Variants in ZNF148 observed in about 807,000 individuals in gnomAD.
ZNF148 encodes the protein zinc finger protein 148.
In ZNF148, 7 loss-of-function variants were observed where a neutral mutation model predicts 67.7. That is an observed-to-expected ratio of 0.10 (90% CI 0.06 to 0.19). The LOEUF is 0.19. ZNF148 is among the 10% of genes least tolerant of loss of function. The pLI, the probability that ZNF148 is intolerant of heterozygous loss-of-function variation, is 1.00. For missense variants in ZNF148, 583 were observed against 947.1 expected (o/e 0.62, Z 5.05); for synonymous variants, 333 against 330.7 (o/e 1.01, Z -0.08).
At position 125,226,730 on chromosome 3, in the gene ZNF148, GA is replaced by G. The variant is rs3215262; in HGVS notation, c.*5610del. 117,522 of 152,490 alleles carry G rather than the reference GA, an allele frequency of 0.77. 45,830 individuals carry two copies. Among genetic ancestry groups the G allele is most frequent in the African/African-American group, 0.85 (35,345 of 41,500 alleles). The allele number at this position is 152,490 out of a possible 1,614,324, so 9.4% of individuals were successfully genotyped here. On this transcript the variant is annotated 3_prime_UTR_variant, in exon 9 of 9. Coordinates refer to ENST00000360647, the MANE Select transcript of ZNF148 (RefSeq NM_021964.3). ...CAATGACAATTAAAACATATTTAAA[GA>G]AACAAAAAACCTCCCAATTGTTTAA...
intron 1 of ZNF148, among the ~76,000 whole-genome samples, chr3:125,342,337 TAAAGACAAAAAAA>T (rs145947226): frequency 0.68 from 98,470 of 145,592 alleles, 33,694 homozygotes; most frequent in Middle Eastern, 0.77. Flanking sequence ...ATTCAAAAAC[TAAAGACAAAAAAA>T]AAAGACAAAA....
chr3:125,233,266 T>C lies in ZNF148; in HGVS notation c.1460A>G (p.Tyr487Cys). Residue 487 changes from tyrosine to cysteine, a missense_variant, in exon 9 of 9, where the codon TAT (tyrosine) becomes TGT (cysteine). Coordinates refer to ENST00000360647, the MANE Select transcript of ZNF148 (RefSeq NM_021964.3). The surrounding 1 kb of genome is among the most constrained non-coding windows in gnomAD (Gnocchi z 5.1). ...AGCTATGGTACCCACATTCAGCGCA[T>C]ATTCCCTGCTGTTGTTACTTGCTGC... ...LQAASNNSRE[Y>C]ALNVGTIASQ... 1.2e-6 allele frequency: 2 copies of C among 1,613,932 alleles called. No homozygotes were observed.
At position 125,313,532 on chromosome 3, in the gene ZNF148, T is replaced by C. The variant is rs933372742; in HGVS notation, c.109A>G (p.Thr37Ala). 2 of 1,614,128 alleles carry C rather than the reference T, an allele frequency of 1.2e-6. No individual in the cohort carries two copies. The highest frequency in any genetic ancestry group is 1.7e-6 in the Non-Finnish European group (2 of 1,179,994). ...GAATCCTGTAGCTCTCCAGACACAG[T>C]AGACTGGCCAGACACTCCACCCATT... ...VVMGGVSGQS[T>A]VSGELQDSVL... Residue 37 changes from threonine (T) to alanine (A), a missense_variant, in exon 4 of 9, where the codon ACT (threonine) becomes GCT (alanine). Transcript: ENST00000360647.
intron 1 of ZNF148, among the ~76,000 whole-genome samples, chr3:125,354,384 T>C (rs913629238): frequency 6.6e-6 from 1 of 152,180 alleles, no homozygotes; most frequent in Non-Finnish European, 1.5e-5. Context: ...GGAACACTTA[T>C]TCTATTTTAT....
intron 7 of ZNF148, among the ~76,000 whole-genome samples, chr3:125,275,111 A>G (rs1160909257): frequency 2.6e-5 from 4 of 152,224 alleles, no homozygotes; most frequent in Admixed American, 1.3e-4. Context: ...AAAAGAATCT[A>G]TAAAAAGAAT....
intron 1 of ZNF148, among the ~76,000 whole-genome samples, chr3:125,360,516 G>A (rs1942504053): frequency 6.6e-6 from 1 of 151,892 alleles, no homozygotes; most frequent in South Asian, 2.1e-4. Flanking sequence ...GAACTCCTGA[G>A]CTCAAGTGAT....
intron 7 of ZNF148, among the ~76,000 whole-genome samples, chr3:125,236,444 T>C (rs1339499672): frequency 6.6e-6 from 1 of 152,064 alleles, no homozygotes; most frequent in African/African-American, 2.4e-5. Flanking sequence ...AATGTTACTA[T>C]GAGCTAGTAT....
intron 2 of ZNF148, among the ~76,000 whole-genome samples, chr3:125,329,845 T>G (rs768378072): frequency 6.6e-6 from 1 of 152,166 alleles, no homozygotes; most frequent in Non-Finnish European, 1.5e-5. Context: ...ATGTGGAAGT[T>G]TATTTTTTAA....
chr3:125,340,572 T>C (rs1265347163), intron 1 of ZNF148, among the ~76,000 whole-genome samples: 1 of 152,102 alleles, frequency 6.6e-6, no homozygotes, highest in Non-Finnish European at 1.5e-5. Context: ...GGAGCTCCAG[T>C]AGGATCAAAC....
rs528873100 is a variant in ZNF148, at chr3:125,270,926, G to A, written c.667+6800C>T. On this transcript the variant is annotated intron_variant, in intron 7 of 8. Transcript: ENST00000360647. ...TTGCCTACTTCTCAAACTGACCAAA[G>A]CTAAAGTAATATTACATTCCTTAAA... Among the ~76,000 whole-genome samples the A allele has an allele frequency of 1.6e-4, 25 of 152,146 alleles. No homozygotes were observed. The South Asian group carries it at 1.7e-3, about 10-fold the overall frequency.
At position 125,313,324 on chromosome 3, in the gene ZNF148, T is replaced by C. The variant is rs774997798; in HGVS notation, c.317A>G (p.Tyr106Cys). 6.2e-7 allele frequency: 1 copy of C among 1,612,186 alleles called. No individual in the cohort carries two copies. Among genetic ancestry groups the C allele is most frequent in the Admixed American group, 1.7e-5 (1 of 59,978 alleles). ...ATTACTTACAGGGACATTAAGTGCA[T>C]ACTGTAGTCCTTGAGGAAGTCTTTC... ...THERLPQGLQ[Y>C]ALNVPISVKQ... Residue 106 changes from tyrosine (Y) to cysteine (C), a missense_variant, in exon 4 of 9, where the codon TAT (tyrosine) becomes TGT (cysteine). This residue lies in a region of ZNF148 where 150 missense variants were observed against 202.5 expected (regional missense o/e 0.74). Coordinates refer to ENST00000360647, the MANE Select transcript of ZNF148 (RefSeq NM_021964.3).
At chr3:125,369,596 C>G (rs1942813981) in intron 1 of ZNF148, among the ~76,000 whole-genome samples, 2 of 151,786 alleles carry the variant, frequency 1.3e-5, no homozygotes, top group Non-Finnish European at 1.5e-5. Context: ...CTGAAAATGA[C>G]CACCGAAATA....
At chr3:125,276,134 A>C (rs755361763) in intron 7 of ZNF148, among the ~76,000 whole-genome samples, 3 of 152,242 alleles carry the variant, frequency 2.0e-5, no homozygotes, top group Non-Finnish European at 4.4e-5. Context: ...TTGTTGAATG[A>C]ATGAGTAAAA....
chr3:125,289,025 C>T (rs1938863953), intron 4 of ZNF148, among the ~76,000 whole-genome samples: 1 of 152,152 alleles, frequency 6.6e-6, no homozygotes, highest in Admixed American at 6.6e-5. Flanking sequence ...ACAGTACCAT[C>T]GTCAGTTCTC....
At chr3:125,281,760 C>T (rs1423636627) in intron 5 of ZNF148, among the ~76,000 whole-genome samples, 1 of 152,168 alleles carries the variant, frequency 6.6e-6, no homozygotes, top group East Asian at 1.9e-4. Context: ...GATAAACACA[C>T]AGGAAAATCT....
At position 125,283,198 on chromosome 3, in the gene ZNF148, A is replaced by AT. The variant is rs374727440; in HGVS notation, c.460-3952dup. Among the ~76,000 whole-genome samples the AT allele has an allele frequency of 3.6e-3, 550 of 152,252 alleles. 5 individuals are homozygous for AT. Among genetic ancestry groups the AT allele is most frequent in the African/African-American group, 0.012 (517 of 41,564 alleles). On this transcript the variant is annotated intron_variant, in intron 5 of 8. Transcript: ENST00000360647. ...AACAAAGTCACCCTGAGTAATACCC[A>AT]TCACGGCAACTTGACTGTCCTGGTC...
chr3:125,264,552 T>A (rs1203502729), intron 7 of ZNF148, among the ~76,000 whole-genome samples: 5 of 152,182 alleles, frequency 3.3e-5, no homozygotes, highest in Non-Finnish European at 7.4e-5. Flanking sequence ...TCTGCCTTGT[T>A]TTTTAATTGA....
intron 1 of ZNF148, among the ~76,000 whole-genome samples, chr3:125,345,143 T>TTG (rs760597343): frequency 6.6e-6 from 1 of 152,002 alleles, no homozygotes; most frequent in East Asian, 1.9e-4. Flanking sequence ...CATGGAACAT[T>TTG]CACCAAGGCC....
At chr3:125,282,198 C>A (rs991598605) in intron 5 of ZNF148, among the ~76,000 whole-genome samples, 4 of 152,136 alleles carry the variant, frequency 2.6e-5, no homozygotes, top group African/African-American at 9.7e-5. Context: ...CACACTAACG[C>A]AGGCAAAATT....
Sources: gnomAD v4.1 joint callset for allele counts (sites outside exome capture counted in the v4.1 genomes callset) on GRCh38, gnomAD v4.1.1 for gene constraint, gnomAD v4.1.1 regional missense constraint, Gnocchi (gnomAD v3.1) non-coding constraint, MANE v1.5 for transcripts, NCBI Gene and HGNC (gene_info 2026-07-23, HGNC 2026-07-21) for gene names.